EPB41L4B: variants seen among roughly 807,000 people sequenced by gnomAD.
EPB41L4B encodes erythrocyte membrane protein band 4.1 like 4B, also known as band 4.1-like protein 4B.
A neutral mutation model predicts 112.5 loss-of-function variants in EPB41L4B; 30 were observed. That is an observed-to-expected ratio of 0.27 (90% CI 0.20 to 0.36). EPB41L4B has a LOEUF of 0.36. Among genes scored for constraint, EPB41L4B ranks in the 10% least tolerant of loss-of-function variants. The pLI is 1.00. For missense variants in EPB41L4B, 1,024 were observed against 1,133.3 expected (o/e 0.90, Z 1.38); for synonymous variants, 408 against 439.7 (o/e 0.93, Z 0.90).
intron 20 of EPB41L4B, among the ~76,000 whole-genome samples, chr9:109,194,813 CTGG>C (rs369647946): frequency 3.3e-5 from 5 of 152,262 alleles, no homozygotes; most frequent in African/African-American, 9.6e-5. Flanking sequence ...CCTGCAGCCT[CTGG>C]TAACATCAAT....
chr9:109,195,537 G>T (rs1832611749), intron 20 of EPB41L4B, among the ~76,000 whole-genome samples: 1 of 152,074 alleles, frequency 6.6e-6, no homozygotes, highest in South Asian at 2.1e-4. Flanking sequence ...GATGACATAG[G>T]TCAGATGGGT....
chr9:109,192,615 GC>G (rs1832498951), intron 21 of EPB41L4B, among the ~76,000 whole-genome samples: 1 of 152,232 alleles, frequency 6.6e-6, no homozygotes, highest in Admixed American at 6.5e-5. Flanking sequence ...TGCTCTTAGT[GC>G]TTTTCTACTG....
At chr9:109,272,962 C>T (rs963232943) in intron 2 of EPB41L4B, among the ~76,000 whole-genome samples, 6 of 152,108 alleles carry the variant, frequency 3.9e-5, no homozygotes, top group East Asian at 1.9e-4. Context: ...CCCCTGTCAG[C>T]GTCAGCATCC....
intron 15 of EPB41L4B, chr9:109,240,388 T>G: frequency 2.0e-6 from 2 of 985,366 alleles, no homozygotes; most frequent in Non-Finnish European, 2.4e-6. Context: ...ATTTTTGCAG[T>G]AGCCAAAAAA....
chr9:109,223,351 T>C (rs1833657365), intron 15 of EPB41L4B, among the ~76,000 whole-genome samples: 1 of 151,816 alleles, frequency 6.6e-6, no homozygotes, highest in Non-Finnish European at 1.5e-5. Flanking sequence ...GGAGAATTGC[T>C]TGAGCCTGGG....
intron 1 of EPB41L4B, among the ~76,000 whole-genome samples, chr9:109,286,479 G>A (rs34356685): frequency 0.026 from 3,943 of 152,288 alleles, 88 homozygotes; most frequent in Non-Finnish European, 0.042. Flanking sequence ...TAATTTTGTT[G>A]CCATTATGCG....
At chr9:109,192,390 G>A (rs769869055) in intron 21 of EPB41L4B, 35 bp from the exon 22 acceptor site, 12 of 1,510,302 alleles carry the variant, frequency 7.9e-6, no homozygotes, top group Middle Eastern at 1.8e-4. Context: ...GGTTAGAGAC[G>A]GCACTGCATT....
At chr9:109,315,831 C>T (rs561727088) in intron 1 of EPB41L4B, among the ~76,000 whole-genome samples, 52 of 152,272 alleles carry the variant, frequency 3.4e-4, no homozygotes, top group African/African-American at 1.2e-3. Flanking sequence ...TCACTTTTCA[C>T]ATCCAAAGTG....
intron 20 of EPB41L4B, among the ~76,000 whole-genome samples, chr9:109,199,438 G>T (rs1471251679): frequency 6.6e-6 from 1 of 152,090 alleles, no homozygotes; most frequent in East Asian, 1.9e-4. Context: ...GGAGGTCGAG[G>T]CAGGCAGATT....
chr9:109,301,810 G>A (rs1229780375), intron 1 of EPB41L4B, among the ~76,000 whole-genome samples: 1 of 152,180 alleles, frequency 6.6e-6, no homozygotes, highest in Non-Finnish European at 1.5e-5. Context: ...GGCTAAGGTG[G>A]GAGGATCTCT....
At chr9:109,313,411 G>A (rs1837495041) in intron 1 of EPB41L4B, among the ~76,000 whole-genome samples, 1 of 152,156 alleles carries the variant, frequency 6.6e-6, no homozygotes, top group Admixed American at 6.5e-5. Context: ...GAAGGAGTGA[G>A]ATTAGAGGGA....
intron 1 of EPB41L4B, among the ~76,000 whole-genome samples, chr9:109,295,866 GA>G (rs949744699): frequency 1.3e-5 from 2 of 150,762 alleles, no homozygotes; most frequent in East Asian, 1.9e-4. Flanking sequence ...GGCAAATCAG[GA>G]AAAAAACCCA....
At chr9:109,247,076 T>C (rs184383858) in intron 14 of EPB41L4B, among the ~76,000 whole-genome samples, 25 of 151,742 alleles carry the variant, frequency 1.6e-4, no homozygotes, top group Non-Finnish European at 3.2e-4. Flanking sequence ...AATAGCTCAC[T>C]GCAGCCTTGA....
chr9:109,310,032 T>C (rs1013155288), intron 1 of EPB41L4B, among the ~76,000 whole-genome samples: 7 of 152,218 alleles, frequency 4.6e-5, no homozygotes, highest in African/African-American at 7.2e-5. Context: ...AGATGCTTCC[T>C]GGCACATGTA....
intron 2 of EPB41L4B, among the ~76,000 whole-genome samples, chr9:109,277,429 A>G (rs1835876625): frequency 6.6e-6 from 1 of 152,170 alleles, no homozygotes; most frequent in Non-Finnish European, 1.5e-5. Context: ...AACTGCTGGA[A>G]CAAAGCCTCC....
In EPB41L4B at chr9:109,176,653, G is replaced by A. The variant is rs769346610; in HGVS notation, c.2531C>T (p.Thr844Ile). ...DSKLQCCPGPTSPLIPAATLR... is the reference protein window; with the variant it reads ...DSKLQCCPGPISPLIPAATLR... ...GGTCGCTGCTGGGATCAGCGGGGAA[G>A]TCGGGCCAGGACAGCACTGTAATTT... is the stretch of plus-strand genomic sequence containing the variant. Residue 844 changes from threonine to isoleucine, a missense_variant, in exon 25 of 26, where the codon ACT becomes ATT. Thr to Ile is a moderately conservative substitution (Grantham distance 89). Coordinates refer to ENST00000374566, the MANE Select transcript of EPB41L4B (RefSeq NM_019114.5). The A allele has an allele frequency of 5.0e-6, 8 of 1,614,124 alleles. No individual in the cohort carries two copies. The highest frequency in any genetic ancestry group is 6.8e-6 in the Non-Finnish European group (8 of 1,180,002).
chr9:109,204,698 T>C (rs1372963577), intron 18 of EPB41L4B, among the ~76,000 whole-genome samples: 3 of 152,144 alleles, frequency 2.0e-5, no homozygotes. Flanking sequence ...GGTTTTGCCA[T>C]GTTGCCCAGG....
chr9:109,181,752 C>T (rs1832062593), intron 24 of EPB41L4B, among the ~76,000 whole-genome samples: 1 of 152,106 alleles, frequency 6.6e-6, no homozygotes, highest in Non-Finnish European at 1.5e-5. Context: ...AAGATCCAAC[C>T]CAAAAGAATT....
intron 19 of EPB41L4B, among the ~76,000 whole-genome samples, chr9:109,201,814 T>G (rs968696032): frequency 2.0e-5 from 3 of 152,118 alleles, no homozygotes; most frequent in Non-Finnish European, 4.4e-5. Context: ...CCGGGTCATA[T>G]GGGGCCTCAG....
Sources: allele counts gnomAD v4.1 joint callset (sites outside exome capture counted in the v4.1 genomes callset), GRCh38; gene constraint gnomAD v4.1.1; transcripts MANE v1.5; gene names NCBI Gene and HGNC (gene_info 2026-07-23, HGNC 2026-07-21).